The following KIRREL3 variants were observed in gnomAD, a reference collection of about 807,000 sequenced individuals.
The protein encoded by KIRREL3 is kirre like nephrin family adhesion molecule 3.
KIRREL3 carries 36 observed loss-of-function variants against 89.7 expected under a neutral mutation model. That is an observed-to-expected ratio of 0.40 (90% CI 0.31 to 0.53). KIRREL3 has a LOEUF of 0.53. KIRREL3 is among the 20% of genes least tolerant of loss of function. KIRREL3 has a pLI of 0.49. For synonymous variants in KIRREL3, 445 were observed against 441.4 expected (o/e 1.01, Z -0.10); for missense variants, 864 against 1,056.6 (o/e 0.82, Z 2.53).
intron 1 of KIRREL3, among the ~76,000 whole-genome samples, chr11:126,923,872 G>T (rs1278007425): frequency 6.6e-6 from 1 of 152,142 alleles, no homozygotes; most frequent in East Asian, 1.9e-4. Flanking sequence ...TCTACTTAGA[G>T]GCTTCATAAG....
intron 4 of KIRREL3, among the ~76,000 whole-genome samples, chr11:126,506,104 TA>T (rs1398092574): frequency 3.3e-5 from 5 of 152,216 alleles, no homozygotes; most frequent in Admixed American, 2.0e-4. Context: ...CACAAATCAC[TA>T]AAACTTAAAA....
In KIRREL3 at chr11:126,883,355, C is replaced by A. The variant is rs1417694855; in HGVS notation, c.55+117100G>T. Among the ~76,000 whole-genome samples, 2 of 152,164 alleles carry A rather than the reference C, an allele frequency of 1.3e-5. No homozygotes were observed. Among genetic ancestry groups the A allele is most frequent in the Non-Finnish European group, 2.9e-5 (2 of 68,036 alleles). ...AAAGAACTTTATAGCCTCTTCCCAA[C>A]AAATGCTCATTGTCGCACTTCCTGT... On this transcript the variant is annotated intron_variant, in intron 1 of 16. Transcript: ENST00000525144. The surrounding 1 kb of genome is among the most constrained non-coding windows in gnomAD (Gnocchi z 4.1).
At chr11:126,621,341 A>G (rs1341332955) in intron 1 of KIRREL3, among the ~76,000 whole-genome samples, 1 of 152,202 alleles carries the variant, frequency 6.6e-6, no homozygotes, top group Non-Finnish European at 1.5e-5. Flanking sequence ...GTACCCAGCT[A>G]AAGGAAAAAT....
chr11:126,913,982 C>T (rs7932649), intron 1 of KIRREL3, among the ~76,000 whole-genome samples: 17,385 of 152,286 alleles, frequency 0.11, 1,188 homozygotes, highest in African/African-American at 0.2. Flanking sequence ...AGCAGCATTA[C>T]GGTAGACTAT....
At chr11:126,573,882 C>T (rs1020288645) in intron 1 of KIRREL3, among the ~76,000 whole-genome samples, 4 of 152,070 alleles carry the variant, frequency 2.6e-5, no homozygotes, top group Non-Finnish European at 4.4e-5. Context: ...GGGGGGATAT[C>T]GCTGGGACAG....
chr11:126,625,570 C>T (rs1047196940), intron 1 of KIRREL3, among the ~76,000 whole-genome samples: 1 of 152,200 alleles, frequency 6.6e-6, no homozygotes, highest in African/African-American at 2.4e-5. Flanking sequence ...CAGCCCCTCT[C>T]TGCTGACAGG....
chr11:126,586,364 A>T (rs141899163), intron 1 of KIRREL3, among the ~76,000 whole-genome samples: 41 of 152,278 alleles, frequency 2.7e-4, no homozygotes, highest in Non-Finnish European at 4.4e-4. Flanking sequence ...CGGACTGGAT[A>T]GTTACCTTCA....
chr11:126,650,181 C>T (rs1354066766), intron 1 of KIRREL3, among the ~76,000 whole-genome samples: 1 of 152,224 alleles, frequency 6.6e-6, no homozygotes, highest in Non-Finnish European at 1.5e-5. Flanking sequence ...AAACCATTTT[C>T]TCCTAGGCCT....
rs749386420 is a variant in KIRREL3 at position 126,521,656 on chromosome 11, TTCTCTC to T, written c.284-198_284-193del. On this transcript the variant is annotated intron_variant, in intron 3 of 16. Transcript: ENST00000525144. The surrounding 1 kb of genome is among the most constrained non-coding windows in gnomAD (Gnocchi z 4.1). ...TTTCCCAAGGCATTGAAGGTGTTGG[TTCTCTC>T]TCTCTCTCTCTGTATGTGTGTGTGT... Among the ~76,000 whole-genome samples, 1 of 148,272 alleles carries T rather than the reference TTCTCTC, an allele frequency of 6.7e-6. No individual in the cohort carries two copies. Among genetic ancestry groups the T allele is most frequent in the African/African-American group, 2.5e-5 (1 of 39,952 alleles).
At chr11:126,470,081 G>C (rs907841545) in intron 5 of KIRREL3, among the ~76,000 whole-genome samples, 1 of 152,244 alleles carries the variant, frequency 6.6e-6, no homozygotes, top group Non-Finnish European at 1.5e-5. Flanking sequence ...GCTCTCCGAG[G>C]GGCCTTCACA....
rs207472469 is a variant in KIRREL3, at chr11:126,485,455, C to T, written c.434-11989G>A. ...GAGTGCCTGGCTGGGCTTCTGGCTCCGTCATTCACTGGCCACGTGACCATG... is the reference window on the plus strand; with the variant it reads ...GAGTGCCTGGCTGGGCTTCTGGCTCTGTCATTCACTGGCCACGTGACCATG... On this transcript the variant is annotated intron_variant, in intron 4 of 16. Coordinates refer to ENST00000525144, the MANE Select transcript of KIRREL3 (RefSeq NM_032531.4). The surrounding 1 kb of genome is among the most constrained non-coding windows in gnomAD (Gnocchi z 5.8). 6.6e-6 allele frequency among the ~76,000 whole-genome samples: 1 copy of T among 152,164 alleles called. No individual in the cohort carries two copies. Among genetic ancestry groups the T allele is most frequent in the Non-Finnish European group, 1.5e-5 (1 of 68,020 alleles).
rs945762232 is a variant in KIRREL3, at chr11:126,900,185, T to C, written c.55+100270A>G. On this transcript the variant is annotated intron_variant, in intron 1 of 16. Coordinates refer to ENST00000525144, the MANE Select transcript of KIRREL3 (RefSeq NM_032531.4). This position sits in a 1 kb window ranked among gnomAD's most constrained non-coding sequence, Gnocchi z 4.4. ...CATGTGTGTAAATATACAGCTCTCA[T>C]GTGCCTAATTTATAGCAAGTCACCT... Among the ~76,000 whole-genome samples, 2 of 152,210 alleles carry C rather than the reference T, an allele frequency of 1.3e-5. No homozygotes were observed. Among genetic ancestry groups the C allele is most frequent in the African/African-American group, 2.4e-5 (1 of 41,462 alleles).
In KIRREL3 at chr11:126,549,188, T is replaced by C. The variant is rs536495689; in HGVS notation, c.133+13647A>G. ...AACTGTCACCGTGTCCTATATTCCA[T>C]AGGCCATTATGTGTATTTCAAACCG... is the stretch of plus-strand genomic sequence containing the variant. On this transcript the variant is annotated intron_variant, in intron 2 of 16. Coordinates refer to ENST00000525144, the MANE Select transcript of KIRREL3 (RefSeq NM_032531.4). 3.9e-5 allele frequency: 6 copies of C among 152,342 alleles called. No homozygotes were observed. The East Asian group carries it at 1.2e-3, about 29-fold the overall frequency. 9.4% of individuals were successfully genotyped at this position (152,342 alleles called of 1,614,324 possible).
intron 10 of KIRREL3, chr11:126,440,884 C>A (rs1955538390): frequency 8.5e-6 from 3 of 352,452 alleles, no homozygotes; most frequent in Non-Finnish European, 1.1e-5. Context: ...TTCTATCTGG[C>A]GGACGGGGAA....
chr11:126,589,434 C>T (rs1942033557), intron 1 of KIRREL3, among the ~76,000 whole-genome samples: 1 of 152,194 alleles, frequency 6.6e-6, no homozygotes, highest in African/African-American at 2.4e-5. Context: ...TCCGCCCGCC[C>T]ACCAGCAGGC....
chr11:126,450,065 C>T (rs1195752714), intron 7 of KIRREL3, among the ~76,000 whole-genome samples: 1 of 152,226 alleles, frequency 6.6e-6, no homozygotes, highest in Non-Finnish European at 1.5e-5. Context: ...GGCTCTGGGG[C>T]AGTGACCCCT....
chr11:126,600,142 A>G (rs908311916), intron 1 of KIRREL3, among the ~76,000 whole-genome samples: 3 of 152,240 alleles, frequency 2.0e-5, no homozygotes, highest in African/African-American at 7.2e-5. Context: ...GGAGAGGCCC[A>G]TGTGGCAAGA....
rs560639947 is a variant in KIRREL3 at position 126,773,661 on chromosome 11, A to G, written c.56-210749T>C. The stretch of plus-strand genomic sequence containing the variant: ...CACTAGCTTCTGCCATAGGAAGAAC[A>G]TCAAGCTGTATGTATGTGTGTGTGT... On this transcript the variant is annotated intron_variant, in intron 1 of 16. Transcript: ENST00000525144. This position sits in a 1 kb window ranked among gnomAD's most constrained non-coding sequence, Gnocchi z 4.2. 6.6e-5 allele frequency among the ~76,000 whole-genome samples: 10 copies of G among 152,276 alleles called. No individual in the cohort carries two copies. The highest frequency in any genetic ancestry group is 1.9e-4 in the African/African-American group (8 of 41,556).
rs78327142 is a variant in KIRREL3, at chr11:126,931,274, T to C, written c.55+69181A>G. 5.9e-5 allele frequency among the ~76,000 whole-genome samples: 9 copies of C among 152,210 alleles called. No homozygotes were observed. The highest frequency in any genetic ancestry group is 2.1e-4 in the South Asian group (1 of 4,832). On this transcript the variant is annotated intron_variant, in intron 1 of 16. Coordinates refer to ENST00000525144, the MANE Select transcript of KIRREL3 (RefSeq NM_032531.4). This position sits in a 1 kb window ranked among gnomAD's most constrained non-coding sequence, Gnocchi z 5.1. ...CTATCGCAGTGTCTGGCACATAGGA[T>C]GTACTGAAATCAAGATTGAATGAAT... is the stretch of plus-strand genomic sequence containing the variant.
Sources: allele counts gnomAD v4.1 joint callset (sites outside exome capture counted in the v4.1 genomes callset), GRCh38; gene constraint gnomAD v4.1.1; non-coding constraint Gnocchi (gnomAD v3.1); transcripts MANE v1.5; gene names NCBI Gene and HGNC (gene_info 2026-07-23, HGNC 2026-07-21).